The following DPH6 variants were observed in gnomAD, a reference collection of about 807,000 sequenced individuals.
DPH6 encodes diphthamine biosynthesis 6.
DPH6 carries 33 observed loss-of-function variants against 38.2 expected under a neutral mutation model. The observed-to-expected ratio is 0.86, with a 90% CI of 0.65 to 1.15. The LOEUF is 1.15. Among genes scored for constraint, DPH6 ranks in the 50% most tolerant of loss-of-function variants. The pLI, the probability that DPH6 is intolerant of heterozygous loss-of-function variation, is 0.00. For synonymous variants in DPH6, 108 were observed against 103.0 expected, an observed-to-expected ratio of 1.05 and a Z score of -0.30; for missense variants, 325 against 320.0, an observed-to-expected ratio of 1.02 and a Z score of -0.12.
intron 3 of DPH6, among the ~76,000 whole-genome samples, chr15:35,525,523 A>T (rs1449282111): frequency 6.6e-6 from 1 of 152,162 alleles, no homozygotes; most frequent in Non-Finnish European, 1.5e-5. Context: ...TCAGGGGACA[A>T]CTAATTATTG....
chr15:35,342,462 C>T (rs138653562), intron 3 of DPH6, among the ~76,000 whole-genome samples: 90 of 152,264 alleles, frequency 5.9e-4, no homozygotes, highest in African/African-American at 2.0e-3. Flanking sequence ...GTTGTTCCAC[C>T]CTGCTTTTCT....
chr15:35,153,691 G>T, the DPH6 span, among the ~76,000 whole-genome samples: 1 of 152,138 alleles, frequency 6.6e-6, no homozygotes, highest in Non-Finnish European at 1.5e-5. Context: ...AATCTGCAGA[G>T]TCCTAAAGGA....
At chr15:35,453,587 A>G in intron 4 of DPH6, among the ~76,000 whole-genome samples, 1 of 152,162 alleles carries the variant, frequency 6.6e-6, no homozygotes, top group East Asian at 1.9e-4. Context: ...GAATGTAAGG[A>G]AAAGTTTCTC....
chr15:35,390,326 T>G (rs2053036048), intron 6 of DPH6, among the ~76,000 whole-genome samples: 1 of 152,152 alleles, frequency 6.6e-6, no homozygotes, highest in African/African-American at 2.4e-5. Context: ...TGTCTTGGAG[T>G]TGCTCTTCTC....
intron 3 of DPH6, among the ~76,000 whole-genome samples, chr15:35,248,248 C>G (rs2051649014): frequency 6.6e-6 from 1 of 152,198 alleles, no homozygotes; most frequent in Non-Finnish European, 1.5e-5. Flanking sequence ...TCCCTTTTCT[C>G]CAAGCTGGGT....
chr15:35,488,984 A>C (rs955180747), intron 3 of DPH6, among the ~76,000 whole-genome samples: 6 of 117,932 alleles, frequency 5.1e-5, no homozygotes, highest in African/African-American at 8.6e-5. Context: ...TTTGCCAGGA[A>C]AAAAAAAAAT....
chr15:35,189,762 G>C, the DPH6 span, among the ~76,000 whole-genome samples: 1 of 152,152 alleles, frequency 6.6e-6, no homozygotes, highest in Non-Finnish European at 1.5e-5. Flanking sequence ...TTTTGCAGGA[G>C]CCATACAAAA....
At chr15:35,187,903 G>A in the DPH6 span, among the ~76,000 whole-genome samples, 1 of 152,322 alleles carries the variant, frequency 6.6e-6, no homozygotes, top group East Asian at 1.9e-4. Flanking sequence ...AGCACTTTGG[G>A]AGGCTAAGGC....
At chr15:35,213,045 A>T (rs913212630), downstream of DPH6, among the ~76,000 whole-genome samples, 2 of 152,236 alleles carry the variant, frequency 1.3e-5, no homozygotes, top group African/African-American at 4.8e-5. Flanking sequence ...AAGAACTGAA[A>T]ATGTCTCATG....
intron 3 of DPH6, among the ~76,000 whole-genome samples, chr15:35,503,890 G>C (rs564922224): frequency 3.3e-5 from 5 of 152,186 alleles, no homozygotes; most frequent in African/African-American, 9.6e-5. Flanking sequence ...TGGGGAACCA[G>C]GTGCCAGAAA....
intron 5 of DPH6, among the ~76,000 whole-genome samples, chr15:35,448,858 T>A (rs2053890941): frequency 6.6e-6 from 1 of 152,002 alleles, no homozygotes; most frequent in Admixed American, 6.6e-5. Flanking sequence ...ATACCATAAT[T>A]ATAAAAAATA....
chr15:35,453,999 T>C lies in DPH6; in HGVS notation c.386+748A>G, dbSNP rs551338886. On this transcript the variant is annotated intron_variant, in intron 4 of 8. Transcript: ENST00000256538. ...AATAATGCAGTCCAATTTTTTTTGT[T>C]AATATAATTATGCCCAGAATCTCTA... Among the ~76,000 whole-genome samples, 256 of 152,212 alleles carry C rather than the reference T, an allele frequency of 1.7e-3. 3 individuals carry two copies. In the Middle Eastern group the frequency reaches 0.017, roughly 10 times the overall value.
At chr15:35,173,655 T>C in the DPH6 span, among the ~76,000 whole-genome samples, 8 of 152,270 alleles carry the variant, frequency 5.3e-5, no homozygotes, top group East Asian at 1.2e-3. Context: ...GTCTGTCCTG[T>C]ATCTACTTCA....
intron 3 of DPH6, among the ~76,000 whole-genome samples, chr15:35,491,862 ATG>A (rs2054486652): frequency 6.6e-6 from 1 of 151,146 alleles, no homozygotes; most frequent in Non-Finnish European, 1.5e-5. Context: ...CTATATGTAT[ATG>A]TGTGTGTATA....
intron 3 of DPH6, among the ~76,000 whole-genome samples, chr15:35,239,325 T>C (rs895637126): frequency 7.0e-6 from 1 of 143,796 alleles, no homozygotes; most frequent in African/African-American, 2.5e-5. Flanking sequence ...TCAATTCCTT[T>C]CATTTTCTGG....
intron 3 of DPH6, among the ~76,000 whole-genome samples, chr15:35,456,500 T>G (rs995411335): frequency 3.3e-5 from 5 of 149,572 alleles, no homozygotes; most frequent in African/African-American, 1.2e-4. Context: ...TTATTATTTT[T>G]TTTTTGAGAT....
At chr15:35,265,341 C>G (rs1003635498) in intron 3 of DPH6, among the ~76,000 whole-genome samples, 8 of 152,206 alleles carry the variant, frequency 5.3e-5, no homozygotes, top group African/African-American at 1.9e-4. Context: ...TTGATAACCC[C>G]TAAATTACAT....
At chr15:35,194,126 G>C in the DPH6 span, among the ~76,000 whole-genome samples, 1 of 152,056 alleles carries the variant, frequency 6.6e-6, no homozygotes, top group African/African-American at 2.4e-5. Context: ...TGTTAACAGA[G>C]TTTTTCTATA....
At chr15:35,149,535 C>A in the DPH6 span, among the ~76,000 whole-genome samples, 1 of 152,206 alleles carries the variant, frequency 6.6e-6, no homozygotes, top group South Asian at 2.1e-4. Context: ...CTGTGCCTGG[C>A]CCACTAAGTC....
Sources: gnomAD v4.1 joint callset for allele counts (sites outside exome capture counted in the v4.1 genomes callset) on GRCh38, gnomAD v4.1.1 for gene constraint, MANE v1.5 for transcripts, NCBI Gene and HGNC (gene_info 2026-07-23, HGNC 2026-07-21) for gene names.